AXDND1: variants seen among roughly 807,000 people sequenced by gnomAD.
AXDND1 encodes axonemal dynein light chain domain-containing protein 1.
Under a neutral mutation model 137.5 loss-of-function variants are expected in AXDND1, and 110 were observed. The ratio of observed to expected loss-of-function variants is 0.80; its 90% confidence interval spans 0.69 to 0.94. The LOEUF (loss-of-function observed/expected upper bound fraction) is 0.94. Among genes scored for constraint, AXDND1 ranks in the 40% least tolerant of loss-of-function variants. The pLI, the probability that AXDND1 is intolerant of heterozygous loss-of-function variation, is 0.00. For missense variants in AXDND1, 1,191 were observed against 1,169.8 expected, an observed-to-expected ratio of 1.02 and a Z score of -0.26; for synonymous variants, 414 against 399.7, an observed-to-expected ratio of 1.04 and a Z score of -0.43.
intron 16 of AXDND1, chr1:179,447,693 G>A: frequency 7.4e-7 from 1 of 1,345,044 alleles, no homozygotes; most frequent in Admixed American, 1.7e-5. Flanking sequence ...CTGGTGGAGG[G>A]GGAGACTTTG....
intron 23 of AXDND1, among the ~76,000 whole-genome samples, chr1:179,532,590 A>G (rs552397659): frequency 6.6e-6 from 1 of 152,304 alleles, no homozygotes; most frequent in Non-Finnish European, 1.5e-5. Context: ...CTAGCATAAA[A>G]GGGAAGAAGT....
At chr1:179,553,773 G>C (rs1048002101) in intron 25 of AXDND1, among the ~76,000 whole-genome samples, 2 of 152,138 alleles carry the variant, frequency 1.3e-5, no homozygotes, top group African/African-American at 4.8e-5. Context: ...TTGAGACAGA[G>C]TCTCACTCTG....
At chr1:179,374,677 G>T (rs960007616) in intron 4 of AXDND1, among the ~76,000 whole-genome samples, 1 of 152,152 alleles carries the variant, frequency 6.6e-6, no homozygotes, top group African/African-American at 2.4e-5. Flanking sequence ...CGTTTGTAGG[G>T]ACATGGATGA....
intron 7 of AXDND1, among the ~76,000 whole-genome samples, chr1:179,383,223 T>A (rs979300865): frequency 1.4e-4 from 21 of 152,150 alleles, no homozygotes; most frequent in Non-Finnish European, 2.1e-4. Flanking sequence ...ATTATTTTCT[T>A]TTATGAAAAA....
At chr1:179,423,329 T>C (rs1656055526) in intron 12 of AXDND1, among the ~76,000 whole-genome samples, 1 of 152,196 alleles carries the variant, frequency 6.6e-6, no homozygotes, top group South Asian at 2.1e-4. Flanking sequence ...GTATGTGTTA[T>C]TATAGTTGAG....
chr1:179,484,131 G>A (rs1275226023), intron 18 of AXDND1, among the ~76,000 whole-genome samples: 6 of 152,204 alleles, frequency 3.9e-5, no homozygotes, highest in African/African-American at 1.4e-4. Flanking sequence ...AGTGAGCTAA[G>A]CAGGCGAGAA....
chr1:179,443,953 C>G (rs938122404), intron 15 of AXDND1, among the ~76,000 whole-genome samples: 1 of 139,428 alleles, frequency 7.2e-6, no homozygotes, highest in Non-Finnish European at 1.6e-5. Context: ...TTCATAAGAT[C>G]CCAACAAACC....
chr1:179,503,635 T>C (rs1386428674), intron 20 of AXDND1, among the ~76,000 whole-genome samples: 1 of 152,120 alleles, frequency 6.6e-6, no homozygotes, highest in African/African-American at 2.4e-5. Flanking sequence ...ACATGTGCCA[T>C]GTTGGTGTGC....
At chr1:179,538,436 C>T (rs1050588965) in intron 25 of AXDND1, among the ~76,000 whole-genome samples, 2 of 152,140 alleles carry the variant, frequency 1.3e-5, no homozygotes, top group African/African-American at 4.8e-5. Context: ...TTTCTGCCCT[C>T]ATTTTGTTGT....
In AXDND1 at chr1:179,401,610, T is replaced by G. The variant is rs760222388; in HGVS notation, c.1109+6408T>G. On this transcript the variant is annotated intron_variant, in intron 11 of 25. Coordinates refer to ENST00000367618, the MANE Select transcript of AXDND1 (RefSeq NM_144696.6). ...CTGTGTCCCCACCCAAATATTGTCTTAAATTTTAGCTACCATAATTCCCAC... is the reference window on the plus strand; with the variant it reads ...CTGTGTCCCCACCCAAATATTGTCTGAAATTTTAGCTACCATAATTCCCAC... Among the ~76,000 whole-genome samples, 5 of 152,310 alleles carry G rather than the reference T, an allele frequency of 3.3e-5. No homozygotes were observed. The Middle Eastern group carries it at 0.01, about 311-fold the overall frequency.
At chr1:179,510,501 C>A (rs1266534917) in intron 21 of AXDND1, among the ~76,000 whole-genome samples, 1 of 152,050 alleles carries the variant, frequency 6.6e-6, no homozygotes, top group African/African-American at 2.4e-5. Flanking sequence ...AAATTATTCA[C>A]CTTTAACAAA....
intron 16 of AXDND1, among the ~76,000 whole-genome samples, chr1:179,468,232 TGTTA>T: frequency 6.6e-6 from 1 of 152,342 alleles, no homozygotes; most frequent in South Asian, 2.1e-4. Flanking sequence ...AAAAATAATT[TGTTA>T]GTCATTAAAG....
Position 179,394,009 on chromosome 1 carries a change from T to C in AXDND1, c.970T>C (p.Tyr324His), listed in dbSNP as rs1183809035. The part of the protein sequence containing the change: ...VMDQRILEEL[Y>H]NFKHVIEELT... ...GGACCAGCGCATTTTAGAAGAATTG[T>C]ATAATTTCAAGCATGTTATTGAAGA... The change falls in exon 10 of 26, where the codon TAT becomes CAT. Residue 324 changes from tyrosine (Y) to histidine (H), a missense_variant. Tyr to His is a moderately conservative substitution (Grantham distance 83). Transcript: ENST00000367618. The C allele has an allele frequency of 3.1e-6, 5 of 1,609,640 alleles. No homozygotes were observed. The South Asian group carries it at 5.5e-5, about 18-fold the overall frequency.
chr1:179,501,814 A>G (rs943717236), intron 20 of AXDND1, among the ~76,000 whole-genome samples: 4 of 152,302 alleles, frequency 2.6e-5, no homozygotes, highest in South Asian at 4.1e-4. Context: ...ACAAAAATCA[A>G]TTCCAAATGG....
At chr1:179,413,630 T>C (rs1413275992) in intron 12 of AXDND1, among the ~76,000 whole-genome samples, 1 of 152,248 alleles carries the variant, frequency 6.6e-6, no homozygotes, top group Non-Finnish European at 1.5e-5. Context: ...ACATTTTCTT[T>C]ACCCAATTAA....
chr1:179,541,779 T>C (rs1203527305), intron 25 of AXDND1, among the ~76,000 whole-genome samples: 2 of 152,128 alleles, frequency 1.3e-5, no homozygotes, highest in Non-Finnish European at 2.9e-5. Flanking sequence ...AAAATTAATA[T>C]ACAAAGATGT....
At chr1:179,470,561 T>G (rs1663795161) in intron 17 of AXDND1, among the ~76,000 whole-genome samples, 1 of 152,140 alleles carries the variant, frequency 6.6e-6, no homozygotes, top group African/African-American at 2.4e-5. Context: ...AATAAGATTT[T>G]TAAAACTTTA....
At chr1:179,387,540 T>C (rs1014429739) in intron 9 of AXDND1, among the ~76,000 whole-genome samples, 5 of 152,254 alleles carry the variant, frequency 3.3e-5, no homozygotes, top group African/African-American at 1.2e-4. Flanking sequence ...CATTTAAACC[T>C]AGCAGTAATT....
chr1:179,460,861 G>A (rs1273714567), intron 16 of AXDND1, among the ~76,000 whole-genome samples: 1 of 152,186 alleles, frequency 6.6e-6, no homozygotes, highest in Non-Finnish European at 1.5e-5. Flanking sequence ...TTTGACAAGT[G>A]TCTGTTCATA....
Sources: allele counts gnomAD v4.1 joint callset (sites outside exome capture counted in the v4.1 genomes callset), GRCh38; gene constraint gnomAD v4.1.1; transcripts MANE v1.5; gene names NCBI Gene and HGNC (gene_info 2026-07-23, HGNC 2026-07-21).